The following LAPTM4B variants were observed in gnomAD, a reference collection of about 807,000 sequenced individuals.
LAPTM4B encodes the protein lysosomal protein transmembrane 4 beta, also known as lysosomal-associated transmembrane protein 4B.
Under a neutral mutation model 28.5 loss-of-function variants are expected in LAPTM4B, and 26 were observed. That is an observed-to-expected ratio of 0.91 (90% CI 0.67 to 1.27). The LOEUF (loss-of-function observed/expected upper bound fraction) is 1.27, where lower values mean the gene tolerates loss of function less well. LAPTM4B is among the 50% of genes most tolerant of loss of function. The probability of loss-of-function intolerance (pLI) is 0.00; values close to 1 mark genes in which losing one functional copy is unlikely to be tolerated. For synonymous variants in LAPTM4B, 109 were observed against 106.4 expected (o/e 1.02, Z -0.15); for missense variants, 288 against 285.8 (o/e 1.01, Z -0.06).
intron 1 of LAPTM4B, among the ~76,000 whole-genome samples, chr8:97,792,311 A>T (rs1243032562): frequency 4.6e-5 from 7 of 152,050 alleles, no homozygotes; most frequent in Admixed American, 3.3e-4. Flanking sequence ...GCTGGAGTGC[A>T]GTGGCACCAT....
intron 1 of LAPTM4B, among the ~76,000 whole-genome samples, chr8:97,802,091 T>A (rs1242829556): frequency 6.6e-6 from 1 of 152,164 alleles, no homozygotes; most frequent in Non-Finnish European, 1.5e-5. Flanking sequence ...ACTGTGGAGA[T>A]GTCACTGGAA....
At chr8:97,844,889 A>G (rs560309800) in intron 6 of LAPTM4B, among the ~76,000 whole-genome samples, 5 of 152,276 alleles carry the variant, frequency 3.3e-5, no homozygotes, top group African/African-American at 1.2e-4. Context: ...TTTGACTGCC[A>G]TGATTATCTT....
intron 1 of LAPTM4B, among the ~76,000 whole-genome samples, chr8:97,784,924 G>A (rs373430687): frequency 3.3e-5 from 5 of 152,178 alleles, no homozygotes; most frequent in African/African-American, 1.2e-4. Context: ...TTCTACCTAG[G>A]TTTTCTCCAT....
intron 1 of LAPTM4B, among the ~76,000 whole-genome samples, chr8:97,798,957 T>C (rs1241967042): frequency 6.6e-6 from 1 of 152,208 alleles, no homozygotes; most frequent in East Asian, 1.9e-4. Context: ...ACTGACCTTT[T>C]CCATTTCTGA....
intron 6 of LAPTM4B, among the ~76,000 whole-genome samples, chr8:97,850,597 A>G (rs558094484): frequency 6.6e-6 from 1 of 150,890 alleles, no homozygotes; most frequent in Non-Finnish European, 1.5e-5. Context: ...ATACCACTTT[A>G]AGCATAAGTG....
At chr8:97,840,049 G>A (rs1021257376) in intron 6 of LAPTM4B, among the ~76,000 whole-genome samples, 3 of 152,214 alleles carry the variant, frequency 2.0e-5, no homozygotes, top group Admixed American at 6.5e-5. Context: ...AACGGTTGTT[G>A]TCGTGAAGGA....
Position 97,779,216 on chromosome 8 carries a change from C to A in LAPTM4B, c.99+3108C>A, listed in dbSNP as rs569881936. Among the ~76,000 whole-genome samples, 22 of 152,216 alleles carry A rather than the reference C, an allele frequency of 1.4e-4. No homozygotes were observed. In the South Asian group the frequency reaches 3.7e-3, roughly 26 times the overall value. On this transcript the variant is annotated intron_variant, in intron 1 of 6. Coordinates refer to ENST00000521545, the MANE Select transcript of LAPTM4B (RefSeq NM_018407.6). ...TTAACAGAGGCCAAGTGCGGTGGCT[C>A]ACGCTTGTAATCCCAGCATTTTGGG...
chr8:97,845,859 CCCCCTTCCA>C (rs1817422261), intron 6 of LAPTM4B, among the ~76,000 whole-genome samples: 1 of 39,016 alleles, frequency 2.6e-5, no homozygotes, highest in African/African-American at 1.0e-4. Flanking sequence ...TCCTTTTCCC[CCCCCTTCCA>C]CTCCCCTCCC....
In LAPTM4B at chr8:97,810,007, G is replaced by A. The variant is rs139083009; in HGVS notation, c.211+4543G>A. 8.3e-3 allele frequency among the ~76,000 whole-genome samples: 1,270 copies of A among 152,228 alleles called. 13 individuals carry two copies. Among genetic ancestry groups the A allele is most frequent in the Middle Eastern group, 0.027 (8 of 294 alleles). On this transcript the variant is annotated intron_variant, in intron 2 of 6. Coordinates refer to ENST00000521545, the MANE Select transcript of LAPTM4B (RefSeq NM_018407.6). ...GTGTCGCACACAATCTGGGCTTACT[G>A]CAATCCCTACCTCTTGGGCTCAAGC...
chr8:97,816,008 T>C, intron 3 of LAPTM4B, 50 bp from the exon 4 acceptor site: 1 of 1,470,128 alleles, frequency 6.8e-7, no homozygotes. Context: ...AAGAAAAATA[T>C]TGTTTTATAA....
At chr8:97,784,768 T>C (rs1816375771) in intron 1 of LAPTM4B, among the ~76,000 whole-genome samples, 1 of 152,130 alleles carries the variant, frequency 6.6e-6, no homozygotes, top group South Asian at 2.1e-4. Context: ...TAGATTAAAA[T>C]GGCAGGCTGT....
At chr8:97,833,284 C>T (rs757241583) in intron 6 of LAPTM4B, among the ~76,000 whole-genome samples, 8 of 151,986 alleles carry the variant, frequency 5.3e-5, no homozygotes, top group Non-Finnish European at 7.4e-5. Flanking sequence ...ACCTGGGAGG[C>T]AGAGGTTGCA....
intron 1 of LAPTM4B, among the ~76,000 whole-genome samples, chr8:97,794,326 C>G (rs1816549461): frequency 6.6e-6 from 1 of 152,084 alleles, no homozygotes. Flanking sequence ...AAAATTAGCT[C>G]ATCTTGAACT....
At chr8:97,834,825 G>A in intron 6 of LAPTM4B, among the ~76,000 whole-genome samples, 2 of 152,138 alleles carry the variant, frequency 1.3e-5, no homozygotes, top group Non-Finnish European at 2.9e-5. Context: ...ATTTCTCCAG[G>A]CAGCCCTGCC....
At chr8:97,781,278 CTTTT>C (rs71271147) in intron 1 of LAPTM4B, among the ~76,000 whole-genome samples, 82 of 50,838 alleles carry the variant, frequency 1.6e-3, no homozygotes, top group African/African-American at 8.1e-3. Flanking sequence ...TGTGCCCGGC[CTTTT>C]TTTTTTTTTT....
At chr8:97,788,779 C>T (rs1030219086) in intron 1 of LAPTM4B, among the ~76,000 whole-genome samples, 7 of 151,488 alleles carry the variant, frequency 4.6e-5, no homozygotes, top group East Asian at 3.9e-4. Context: ...ACTGCAACCT[C>T]CACCTCCCGG....
intron 6 of LAPTM4B, among the ~76,000 whole-genome samples, chr8:97,838,605 G>A (rs1273826293): frequency 1.3e-5 from 2 of 152,198 alleles, no homozygotes; most frequent in Non-Finnish European, 2.9e-5. Flanking sequence ...TGATCAGCCT[G>A]GCTGCAGGCT....
rs142591815 is a variant in LAPTM4B, at chr8:97,814,276, G to C, written c.212-1052G>C. 2.5e-4 allele frequency among the ~76,000 whole-genome samples: 38 copies of C among 152,274 alleles called. No individual in the cohort carries two copies. In the East Asian group the frequency reaches 6.6e-3, roughly 26 times the overall value. ...TGTAATCCCAGAACTTTGGGAGGCC[G>C]AGGCTGGCAGATCATTTGAAGTCAG... On this transcript the variant is annotated intron_variant, in intron 2 of 6. Coordinates refer to ENST00000521545, the MANE Select transcript of LAPTM4B (RefSeq NM_018407.6).
At chr8:97,824,700 T>G (rs1223547500) in intron 5 of LAPTM4B, among the ~76,000 whole-genome samples, 1 of 152,174 alleles carries the variant, frequency 6.6e-6, no homozygotes, top group Non-Finnish European at 1.5e-5. Context: ...AGTTAATACA[T>G]TCGATTGTTC....
Sources: allele counts gnomAD v4.1 joint callset (sites outside exome capture counted in the v4.1 genomes callset), GRCh38; gene constraint gnomAD v4.1.1; transcripts MANE v1.5; gene names NCBI Gene and HGNC (gene_info 2026-07-23, HGNC 2026-07-21).